Variants in CREB5 observed in about 807,000 individuals in gnomAD.
The protein encoded by CREB5 is cyclic AMP-responsive element-binding protein 5.
Under a neutral mutation model 57.1 loss-of-function variants are expected in CREB5, and 19 were observed. The ratio of observed to expected loss-of-function variants is 0.33; its 90% CI spans 0.23 to 0.49. The LOEUF (loss-of-function observed/expected upper bound fraction) is 0.49, where lower values mean the gene tolerates loss of function less well. Among genes scored for constraint, CREB5 ranks in the 20% least tolerant of loss-of-function variants. CREB5 has a pLI of 0.99. For missense variants in CREB5, 579 were observed against 671.6 expected, an observed-to-expected ratio of 0.86 and a Z score of 1.52; for synonymous variants, 238 against 238.3, an observed-to-expected ratio of 1.00 and a Z score of 0.01.
chr7:28,632,732 C>T (rs1798251649), intron 5 of CREB5, among the ~76,000 whole-genome samples: 1 of 152,176 alleles, frequency 6.6e-6, no homozygotes, highest in African/African-American at 2.4e-5. Context: ...GATTTTCTGT[C>T]CCTCGGCTCG....
chr7:28,502,715 A>G (rs1013555051), intron 3 of CREB5, among the ~76,000 whole-genome samples: 4 of 152,240 alleles, frequency 2.6e-5, no homozygotes. Context: ...TAGTAATACC[A>G]TAGTTGAGAA....
chr7:28,484,968 G>A (rs758271445), intron 1 of CREB5, among the ~76,000 whole-genome samples: 3 of 152,190 alleles, frequency 2.0e-5, no homozygotes, highest in Non-Finnish European at 2.9e-5. Context: ...GGTATTTGCT[G>A]TAGCTCATAT....
At chr7:28,460,915 G>C (rs1330989382) in intron 1 of CREB5, among the ~76,000 whole-genome samples, 1 of 152,012 alleles carries the variant, frequency 6.6e-6, no homozygotes, top group Non-Finnish European at 1.5e-5. Context: ...GATCTTATGG[G>C]GGGGCATAGT....
At chr7:28,560,825 C>CGTGCGTGCGCGTGCGTGTGCGT (rs1562797019) in intron 4 of CREB5, among the ~76,000 whole-genome samples, 2 of 37,566 alleles carry the variant, frequency 5.3e-5, no homozygotes, top group Non-Finnish European at 1.3e-4. Context: ...TGTGTGTGCG[C>CGTGCGTGCGCGTGCGTGTGCGT]GCGCGCGCGT....
chr7:28,746,893 C>A (rs1180048625), intron 7 of CREB5, among the ~76,000 whole-genome samples: 2 of 152,138 alleles, frequency 1.3e-5, no homozygotes, highest in Admixed American at 1.3e-4. Flanking sequence ...GGTTCCCAGA[C>A]GTTTCTTAGG....
At chr7:28,449,056 T>A (rs1274590568) in intron 1 of CREB5, among the ~76,000 whole-genome samples, 1 of 151,938 alleles carries the variant, frequency 6.6e-6, no homozygotes, top group African/African-American at 2.4e-5. Flanking sequence ...GGCATTTGCC[T>A]CCTCTTTATT....
chr7:28,480,264 G>T (rs1037290066), intron 1 of CREB5, among the ~76,000 whole-genome samples: 1 of 152,142 alleles, frequency 6.6e-6, no homozygotes, highest in African/African-American at 2.4e-5. Flanking sequence ...GGCACAAAGG[G>T]AGAAGAGAAA....
intron 5 of CREB5, among the ~76,000 whole-genome samples, chr7:28,636,562 C>T (rs1798425276): frequency 6.6e-6 from 1 of 152,112 alleles, no homozygotes; most frequent in African/African-American, 2.4e-5. Context: ...GTTCCCTTTC[C>T]TACACTGTAA....
intron 5 of CREB5, among the ~76,000 whole-genome samples, chr7:28,594,859 T>C (rs557897432): frequency 6.6e-6 from 1 of 152,180 alleles, no homozygotes; most frequent in South Asian, 2.1e-4. Flanking sequence ...TTTAGTTAAT[T>C]CTTCCTCCTC....
rs570109162 is a variant in CREB5, at chr7:28,818,004, G to T, written c.1255-67G>T. ...GAGTTTGCCAGTTTTGTTGTTGAAAGTGCACAGGGCTGTGGGTTTGTATCC... is the reference window on the plus strand; with the variant it reads ...GAGTTTGCCAGTTTTGTTGTTGAAATTGCACAGGGCTGTGGGTTTGTATCC... On this transcript the variant is annotated intron_variant, in intron 9 of 10. Transcript: ENST00000357727. The T allele has an allele frequency of 4.2e-6, 5 of 1,185,028 alleles. No individual in the cohort carries two copies. The Admixed American group carries it at 6.7e-5, about 16-fold the overall frequency. The allele number at this position is 1,185,028 out of a possible 1,614,324, so 73.4% of individuals were successfully genotyped here. A position where few individuals can be genotyped will look rare whatever the true frequency, so the allele number is the denominator to read the frequency against.
intron 5 of CREB5, among the ~76,000 whole-genome samples, chr7:28,683,246 T>C (rs1388886323): frequency 6.6e-6 from 1 of 152,102 alleles, no homozygotes; most frequent in Non-Finnish European, 1.5e-5. Context: ...GCATTTCTTT[T>C]TGGGAACAGG....
intron 8 of CREB5, among the ~76,000 whole-genome samples, chr7:28,808,642 A>G (rs375960950): frequency 6.6e-6 from 1 of 151,454 alleles, no homozygotes; most frequent in East Asian, 1.9e-4. Flanking sequence ...GGGCTCAAGC[A>G]AGCCTCCCAC....
Position 28,560,915 on chromosome 7 carries a change from C to CGCGTGCGT in CREB5, c.292-9449_292-9448insCGTGCGTG, listed in dbSNP as rs1795176026. On this transcript the variant is annotated intron_variant, in intron 4 of 10. Transcript: ENST00000357727. The stretch of plus-strand genomic sequence containing the variant: ...GTGTGTGCGTGCGCGCGTGCGTGTG[C>CGCGTGCGT]GTGTGTGCGCGTGCGTGTGTGCGTG... Among the ~76,000 whole-genome samples the CGCGTGCGT allele has an allele frequency of 1.2e-4, 2 of 16,876 alleles. 1 individual carries two copies. The highest frequency in any genetic ancestry group is 2.2e-4 in the Non-Finnish European group (2 of 9,022). The allele number at this position is 16,876 out of a possible 152,430, so 11.1% of individuals were successfully genotyped here. A position where few individuals can be genotyped will look rare whatever the true frequency, so the allele number is the denominator to read the frequency against.
At chr7:28,441,161 C>T (rs1789170153) in intron 1 of CREB5, among the ~76,000 whole-genome samples, 1 of 152,064 alleles carries the variant, frequency 6.6e-6, no homozygotes, top group Non-Finnish European at 1.5e-5. Flanking sequence ...TGTGCTTTCC[C>T]CCTCCCTTTT....
At chr7:28,812,045 T>C (rs1809150306) in intron 9 of CREB5, among the ~76,000 whole-genome samples, 1 of 152,196 alleles carries the variant, frequency 6.6e-6, no homozygotes, top group African/African-American at 2.4e-5. Flanking sequence ...CTTTACCCAC[T>C]ATATGTCAGG....
chr7:28,773,116 T>A (rs1011149295), intron 7 of CREB5, among the ~76,000 whole-genome samples: 1 of 152,188 alleles, frequency 6.6e-6, no homozygotes, highest in Non-Finnish European at 1.5e-5. Flanking sequence ...TCCTTTTTAA[T>A]ATCTGTTTTT....
intron 5 of CREB5, among the ~76,000 whole-genome samples, chr7:28,682,398 C>A (rs1443126587): frequency 6.6e-6 from 1 of 152,106 alleles, no homozygotes; most frequent in Non-Finnish European, 1.5e-5. Flanking sequence ...TGGTCTGTGA[C>A]CAGAGGGTTC....
intron 10 of CREB5, 78 bp downstream of exon 10, chr7:28,818,257 G>C: frequency 1.0e-6 from 1 of 975,914 alleles, no homozygotes. Context: ...TTGATTGAAA[G>C]AGCAAAAGTA....
intron 4 of CREB5, among the ~76,000 whole-genome samples, chr7:28,542,463 G>A (rs1057332929): frequency 3.3e-5 from 5 of 152,124 alleles, no homozygotes; most frequent in Admixed American, 1.3e-4. Flanking sequence ...GTTTTGCACC[G>A]TCACTGTTAT....
Sources: gnomAD v4.1 joint callset for allele counts (sites outside exome capture counted in the v4.1 genomes callset) on GRCh38, gnomAD v4.1.1 for gene constraint, MANE v1.5 for transcripts, NCBI Gene and HGNC (gene_info 2026-07-23, HGNC 2026-07-21) for gene names.